KTN1: variants seen among roughly 807,000 people sequenced by gnomAD.
KTN1 encodes the protein kinectin 1, also known as kinectin.
In KTN1, 130 loss-of-function variants were observed where a neutral mutation model predicts 222.5. That is an observed-to-expected ratio of 0.58 (90% CI 0.51 to 0.68). KTN1 has a LOEUF of 0.68. Ranked by LOEUF, KTN1 falls within the 30% of genes least tolerant of loss-of-function variation. The pLI is 0.00. For synonymous variants in KTN1, 512 were observed against 496.3 expected, an observed-to-expected ratio of 1.03 and a Z score of -0.42; for missense variants, 1,508 against 1,500.4, an observed-to-expected ratio of 1.01 and a Z score of -0.08.
chr14:55,595,965 T>C (rs369424217), intron 1 of KTN1, among the ~76,000 whole-genome samples: 1 of 152,074 alleles, frequency 6.6e-6, no homozygotes, highest in East Asian at 1.9e-4. Context: ...CCATCCTGGC[T>C]AACATGGTGA....
At chr14:55,591,581 CTTTTT>C (rs71131297) in intron 1 of KTN1, among the ~76,000 whole-genome samples, 2 of 87,710 alleles carry the variant, frequency 2.3e-5, no homozygotes, top group Middle Eastern at 7.5e-3. Flanking sequence ...TTCTCTCTTT[CTTTTT>C]TTTTTTTTTT....
intron 3 of KTN1, 125 bp from the exon 4 acceptor site, chr14:55,617,839 A>T: frequency 1.4e-6 from 1 of 702,382 alleles, no homozygotes; most frequent in Non-Finnish European, 2.3e-6. Context: ...ATAGGAATTT[A>T]AAACCAATTT....
chr14:55,654,747 A>G (rs1188828011), intron 28 of KTN1, among the ~76,000 whole-genome samples: 1 of 152,084 alleles, frequency 6.6e-6, no homozygotes, highest in Non-Finnish European at 1.5e-5. Context: ...CCATTAGGAA[A>G]CTATGTGGGT....
intron 19 of KTN1, 130 bp downstream of exon 19, chr14:55,647,137 A>C: frequency 1.6e-6 from 1 of 644,092 alleles, no homozygotes; most frequent in Non-Finnish European, 2.7e-6. Flanking sequence ...ATTTGGGATT[A>C]CATTACCGTT....
At chr14:55,673,311 CAT>C (rs1186506465) in intron 40 of KTN1, 56 bp downstream of exon 40, 5 of 1,138,436 alleles carry the variant, frequency 4.4e-6, no homozygotes, top group African/African-American at 3.1e-5. Context: ...ACTTTATTGA[CAT>C]GTGGAGAAAC....
Position 55,671,645 on chromosome 14 carries a change from T to A in KTN1, c.3428T>A (p.Leu1143His). 1 of 1,609,618 alleles carries A rather than the reference T, an allele frequency of 6.2e-7. No individual in the cohort carries two copies. Among genetic ancestry groups the A allele is most frequent in the Non-Finnish European group, 8.5e-7 (1 of 1,177,430 alleles). ...GAGTGTGAAAAATACAAATCCGTCC[T>A]TGCAGAAACAGTAGGAAATGATTTT... Reference protein sequence around the residue: ...QLECEKYKSVLAETEGILQKL... With the variant: ...QLECEKYKSVHAETEGILQKL... Residue 1143 changes from leucine to histidine, a missense_variant, in exon 36 of 44, where the codon CTT (leucine) becomes CAT (histidine). Leu to His is a moderately conservative substitution (Grantham distance 99). Coordinates refer to ENST00000395314, the MANE Select transcript of KTN1 (RefSeq NM_001079521.2).
intron 1 of KTN1, among the ~76,000 whole-genome samples, chr14:55,588,212 AAAG>A (rs2033418976): frequency 6.6e-6 from 1 of 152,340 alleles, no homozygotes; most frequent in East Asian, 1.9e-4. Flanking sequence ...AAGCTAAAGA[AAAG>A]AAAATGCTAC....
chr14:55,675,779 C>A, intron 40 of KTN1, 56 bp from the exon 41 acceptor site: 1 of 1,162,860 alleles, frequency 8.6e-7, no homozygotes, highest in Non-Finnish European at 1.3e-6. Flanking sequence ...GAGGTATCAG[C>A]ATAATCAAAG....
intron 30 of KTN1, 63 bp downstream of exon 30, chr14:55,658,677 A>C (rs1278178686): frequency 7.6e-6 from 7 of 925,884 alleles, no homozygotes; most frequent in Non-Finnish European, 1.0e-5. Flanking sequence ...AACCAGTGAC[A>C]TATGAGTATT....
At chr14:55,632,251 G>T (rs559248358) in intron 7 of KTN1, among the ~76,000 whole-genome samples, 13 of 152,244 alleles carry the variant, frequency 8.5e-5, no homozygotes, top group Non-Finnish European at 1.5e-4. Context: ...TTTTGTTGAA[G>T]GTGAAAGGTA....
At chr14:55,642,907 C>CTT (rs769637380) in intron 18 of KTN1, among the ~76,000 whole-genome samples, 3 of 144,012 alleles carry the variant, frequency 2.1e-5, no homozygotes, top group African/African-American at 2.5e-5. Flanking sequence ...AAGGCTTATT[C>CTT]TTTTTTTTTT....
chr14:55,607,877 GTATA>G (rs1415737352), intron 1 of KTN1, among the ~76,000 whole-genome samples: 1 of 152,130 alleles, frequency 6.6e-6, no homozygotes, highest in Non-Finnish European at 1.5e-5. Context: ...CCTGAGCAGT[GTATA>G]TATAGAGACC....
At position 55,635,518 on chromosome 14, in the gene KTN1, A is replaced by G. The variant is rs150949350; in HGVS notation, c.1461+860A>G. Among the ~76,000 whole-genome samples, 312 of 152,330 alleles carry G rather than the reference A, an allele frequency of 2.0e-3. 2 individuals carry two copies. Among genetic ancestry groups the G allele is most frequent in the African/African-American group, 7.0e-3 (292 of 41,580 alleles). On this transcript the variant is annotated intron_variant, in intron 9 of 43. Coordinates refer to ENST00000395314, the MANE Select transcript of KTN1 (RefSeq NM_001079521.2). Reference sequence around the variant, plus strand: ...CTCGACCCATGATGTACAAAAAGTCACATACTGTATCTTTAGACGCCAGAG... The same window carrying G: ...CTCGACCCATGATGTACAAAAAGTCGCATACTGTATCTTTAGACGCCAGAG...
chr14:55,680,806 A>C, intron 43 of KTN1: 2 of 834,012 alleles, frequency 2.4e-6, no homozygotes, highest in Non-Finnish European at 3.7e-6. Flanking sequence ...ATATCAACAA[A>C]AGTAATTAAG....
intron 1 of KTN1, among the ~76,000 whole-genome samples, chr14:55,594,249 A>T (rs1298058792): frequency 2.0e-5 from 3 of 152,142 alleles, no homozygotes; most frequent in Admixed American, 1.3e-4. Context: ...TAGTATTCAC[A>T]GTGTATCCTG....
intron 13 of KTN1, among the ~76,000 whole-genome samples, 168 bp downstream of exon 13, chr14:55,639,390 A>G (rs979042679): frequency 1.5e-5 from 2 of 134,814 alleles, no homozygotes; most frequent in African/African-American, 2.8e-5. Flanking sequence ...CCTTTTTCCC[A>G]TTAGTGAGTT....
chr14:55,669,230 CT>C (rs2045210782), intron 34 of KTN1, among the ~76,000 whole-genome samples: 1 of 151,936 alleles, frequency 6.6e-6, no homozygotes, highest in African/African-American at 2.4e-5. Context: ...TAAAAATTTT[CT>C]TTTCTAACAG....
At chr14:55,661,247 C>T in intron 31 of KTN1, 1 of 252,246 alleles carries the variant, frequency 4.0e-6, no homozygotes, top group Non-Finnish European at 7.5e-6. Flanking sequence ...TACAACAGTT[C>T]ATATCTTCAT....
chr14:55,623,622 T>G (rs1258581104), intron 5 of KTN1, among the ~76,000 whole-genome samples: 2 of 152,210 alleles, frequency 1.3e-5, no homozygotes, highest in African/African-American at 2.4e-5. Context: ...CGTCCTGCCT[T>G]GGCCTCCCAA....
Sources: gnomAD v4.1 joint callset for allele counts (sites outside exome capture counted in the v4.1 genomes callset) on GRCh38, gnomAD v4.1.1 for gene constraint, MANE v1.5 for transcripts, NCBI Gene and HGNC (gene_info 2026-07-23, HGNC 2026-07-21) for gene names.